Variants in MBD5 observed in about 807,000 individuals in gnomAD.
MBD5 encodes methyl-CpG binding domain protein 5.
In MBD5, 13 loss-of-function variants were observed where a neutral mutation model predicts 117.3. The ratio of observed to expected loss-of-function variants is 0.11; its 90% confidence interval spans 0.07 to 0.18. The LOEUF (loss-of-function observed/expected upper bound fraction) is 0.18, where lower values mean the gene tolerates loss of function less well. MBD5 is among the 10% of genes least tolerant of loss of function. The probability of loss-of-function intolerance (pLI) is 1.00; values close to 1 mark genes in which losing one functional copy is unlikely to be tolerated. For missense variants in MBD5, 1,879 were observed against 2,093.8 expected (o/e 0.90, Z 2.00); for synonymous variants, 727 against 766.4 (o/e 0.95, Z 0.85).
chr2:148,271,166 T>C (rs1700977302), intron 3 of MBD5, among the ~76,000 whole-genome samples: 2 of 152,150 alleles, frequency 1.3e-5, no homozygotes, highest in Non-Finnish European at 2.9e-5. Flanking sequence ...CTCTAGGTAA[T>C]TTTATTTATA....
At chr2:148,227,378 C>T (rs978791601) in intron 2 of MBD5, among the ~76,000 whole-genome samples, 1 of 152,186 alleles carries the variant, frequency 6.6e-6, no homozygotes, top group African/African-American at 2.4e-5. Context: ...GGAATCCTTT[C>T]CCCATTGCTT....
At chr2:148,052,982 A>AG (rs1553467396) in intron 1 of MBD5, among the ~76,000 whole-genome samples, 1 of 77,536 alleles carries the variant, frequency 1.3e-5, no homozygotes, top group Non-Finnish European at 3.6e-5. Flanking sequence ...AAAAAAAAAA[A>AG]GAGAGAGACA....
intron 4 of MBD5, among the ~76,000 whole-genome samples, chr2:148,440,781 G>A (rs1706295246): frequency 6.6e-6 from 1 of 152,164 alleles, no homozygotes; most frequent in Non-Finnish European, 1.5e-5. Flanking sequence ...GATGAAAGAG[G>A]AATAAACAGG....
intron 4 of MBD5, among the ~76,000 whole-genome samples, chr2:148,432,760 G>T (rs1404572408): frequency 6.6e-6 from 1 of 152,038 alleles, no homozygotes; most frequent in Admixed American, 6.6e-5. Flanking sequence ...TGCTCTTTTG[G>T]TTACTGTAGC....
At position 148,390,359 on chromosome 2, in the gene MBD5, C is replaced by T. The variant is rs772725557; in HGVS notation, c.-557+48023C>T. ...TAATCTTAATTACCTCCTTAAAGGC[C>T]GTATTTCTATATGCAGTCACTTTAG... On this transcript the variant is annotated intron_variant, in intron 4 of 13. Transcript: ENST00000642680. Among the ~76,000 whole-genome samples, 4 of 151,412 alleles carry T rather than the reference C, an allele frequency of 2.6e-5. No homozygotes were observed. In the South Asian group the frequency reaches 6.3e-4, roughly 24 times the overall value.
intron 1 of MBD5, among the ~76,000 whole-genome samples, chr2:148,070,215 T>C (rs1012856487): frequency 1.3e-5 from 2 of 152,216 alleles, no homozygotes; most frequent in African/African-American, 4.8e-5. Context: ...TCTCTTTCTG[T>C]TCCTGGCTTA....
chr2:148,345,164 C>G (rs568053433), intron 4 of MBD5, among the ~76,000 whole-genome samples: 3 of 150,672 alleles, frequency 2.0e-5, no homozygotes, highest in Non-Finnish European at 4.4e-5. Context: ...AGGGACAGAA[C>G]TAATAGGATA....
intron 7 of MBD5, among the ~76,000 whole-genome samples, chr2:148,466,070 T>C (rs1202891144): frequency 1.3e-5 from 2 of 152,156 alleles, no homozygotes; most frequent in African/African-American, 2.4e-5. Context: ...CTTTATGGGA[T>C]TGATTACTTT....
chr2:148,178,208 T>C (rs1336162001), intron 1 of MBD5, among the ~76,000 whole-genome samples: 2 of 152,122 alleles, frequency 1.3e-5, no homozygotes, highest in Non-Finnish European at 2.9e-5. Context: ...ACTGGGGAGA[T>C]TTAAGTAATA....
intron 2 of MBD5, among the ~76,000 whole-genome samples, chr2:148,181,545 A>T: frequency 6.6e-6 from 1 of 152,122 alleles, no homozygotes; most frequent in East Asian, 1.9e-4. Context: ...TTTCAGTCTA[A>T]TGTGTGTAAT....
intron 4 of MBD5, among the ~76,000 whole-genome samples, chr2:148,374,824 C>T (rs1000869110): frequency 1.6e-4 from 25 of 152,194 alleles, no homozygotes; most frequent in African/African-American, 5.5e-4. Flanking sequence ...CCCACACATG[C>T]GTATGACTAT....
At chr2:148,272,029 A>T (rs1345498149) in intron 3 of MBD5, among the ~76,000 whole-genome samples, 1 of 152,178 alleles carries the variant, frequency 6.6e-6, no homozygotes, top group Non-Finnish European at 1.5e-5. Flanking sequence ...TGTAAATAAG[A>T]TCATGCAGTA....
At chr2:148,097,099 G>C (rs1696087236) in intron 1 of MBD5, among the ~76,000 whole-genome samples, 1 of 152,034 alleles carries the variant, frequency 6.6e-6, no homozygotes, top group Non-Finnish European at 1.5e-5. Flanking sequence ...TATTATAACT[G>C]ATATTTATGA....
At chr2:148,320,038 T>G (rs1367523295) in intron 3 of MBD5, among the ~76,000 whole-genome samples, 1 of 152,370 alleles carries the variant, frequency 6.6e-6, no homozygotes, top group South Asian at 2.1e-4. Context: ...TTAGTTCGTT[T>G]TGTGATGTAT....
chr2:148,472,929 T>G (rs1317871965), intron 8 of MBD5, among the ~76,000 whole-genome samples: 3 of 152,140 alleles, frequency 2.0e-5, no homozygotes, highest in Non-Finnish European at 4.4e-5. Context: ...CTAAAAAAAC[T>G]TAAGTAACTG....
At chr2:148,339,173 A>G (rs188166596) in intron 3 of MBD5, among the ~76,000 whole-genome samples, 45 of 152,284 alleles carry the variant, frequency 3.0e-4, no homozygotes, top group African/African-American at 1.1e-3. Context: ...TAGCATTCTG[A>G]AGGCAGAGGT....
intron 2 of MBD5, among the ~76,000 whole-genome samples, chr2:148,209,397 A>G (rs1281873785): frequency 6.6e-6 from 1 of 152,148 alleles, no homozygotes; most frequent in Non-Finnish European, 1.5e-5. Flanking sequence ...TTGTTCTGCC[A>G]TTTGAGGACA....
chr2:148,408,155 G>A (rs1384289701), intron 4 of MBD5, among the ~76,000 whole-genome samples: 2 of 152,096 alleles, frequency 1.3e-5, no homozygotes, highest in African/African-American at 4.8e-5. Flanking sequence ...TCTTCAAATG[G>A]TACCTTCAAT....
At chr2:148,166,420 G>T (rs1304754155) in intron 1 of MBD5, among the ~76,000 whole-genome samples, 1 of 152,124 alleles carries the variant, frequency 6.6e-6, no homozygotes, top group Non-Finnish European at 1.5e-5. Context: ...ATAAAAATCA[G>T]GCATTACTGC....
Sources: gnomAD v4.1 joint callset for allele counts (sites outside exome capture counted in the v4.1 genomes callset) on GRCh38, gnomAD v4.1.1 for gene constraint, MANE v1.5 for transcripts, NCBI Gene and HGNC (gene_info 2026-07-23, HGNC 2026-07-21) for gene names.